The following EGFR variants were observed in gnomAD, a reference collection of about 807,000 sequenced individuals.
EGFR encodes the protein epidermal growth factor receptor.
EGFR carries 58 observed loss-of-function variants against 143.0 expected under a neutral mutation model. That is an observed-to-expected ratio of 0.41 (90% CI 0.33 to 0.50). EGFR has a LOEUF of 0.50. EGFR is among the 20% of genes least tolerant of loss of function. The pLI, the probability that EGFR is intolerant of heterozygous loss-of-function variation, is 0.39. For synonymous variants in EGFR, 613 were observed against 594.4 expected (o/e 1.03, Z -0.45); for missense variants, 1,307 against 1,579.0 (o/e 0.83, Z 2.92).
At position 55,168,765 on chromosome 7, in the gene EGFR, T is replaced by C. The variant is rs75040104; in HGVS notation, c.1881-2410T>C. The C allele has an allele frequency of 3.6e-3, 2,018 of 559,128 alleles. 31 individuals carry two copies. Among genetic ancestry groups the C allele is most frequent in the African/African-American group, 0.035 (1,840 of 53,016 alleles). The allele number at this position is 559,128 out of a possible 1,614,324, so 34.6% of individuals were successfully genotyped here. On this transcript the variant is annotated intron_variant, in intron 15 of 27. Transcript: ENST00000275493. ...CTGTGTCTTCTCCCAAAGCCATTAA[T>C]TATATAGGAATTACACGATAGAAAT...
chr7:55,075,827 C>A (rs1385109297), intron 1 of EGFR, among the ~76,000 whole-genome samples: 1 of 152,098 alleles, frequency 6.6e-6, no homozygotes, highest in Non-Finnish European at 1.5e-5. Context: ...CCATGCACAT[C>A]AACTCTCCAA....
At chr7:55,169,116 G>C (rs979163008) in intron 15 of EGFR, among the ~76,000 whole-genome samples, 1 of 134,686 alleles carries the variant, frequency 7.4e-6, no homozygotes, top group Non-Finnish European at 1.6e-5. Flanking sequence ...TTTTTTTTTT[G>C]TCGAGACGGA....
chr7:55,077,999 G>A (rs1050253487), intron 1 of EGFR, among the ~76,000 whole-genome samples: 3 of 152,096 alleles, frequency 2.0e-5, no homozygotes, highest in Non-Finnish European at 4.4e-5. Flanking sequence ...GGGTGTGGAG[G>A]GGGAGGCAGT....
chr7:55,197,040 G>A (rs897077387), intron 22 of EGFR, among the ~76,000 whole-genome samples: 3 of 152,040 alleles, frequency 2.0e-5, no homozygotes, highest in African/African-American at 7.2e-5. Flanking sequence ...TTCTAGTTCT[G>A]TGAAGAATCT....
chr7:55,135,904 GA>G (rs751970156), intron 1 of EGFR, among the ~76,000 whole-genome samples: 3 of 152,112 alleles, frequency 2.0e-5, no homozygotes, highest in African/African-American at 4.8e-5. Flanking sequence ...ATTTTTTACA[GA>G]TTTTTTTAAA....
chr7:55,025,616 A>G (rs1786835720), intron 1 of EGFR, among the ~76,000 whole-genome samples: 1 of 152,186 alleles, frequency 6.6e-6, no homozygotes, highest in South Asian at 2.1e-4. Context: ...ACAGGAGAGC[A>G]ATGTGGCTTG....
intron 11 of EGFR, among the ~76,000 whole-genome samples, chr7:55,158,981 A>C (rs1471879765): frequency 6.6e-6 from 1 of 152,244 alleles, no homozygotes; most frequent in African/African-American, 2.4e-5. Flanking sequence ...CCTGAACATC[A>C]GTCTCTTCAT....
chr7:55,143,964 G>C (rs1423741691), intron 3 of EGFR, among the ~76,000 whole-genome samples: 2 of 152,184 alleles, frequency 1.3e-5, no homozygotes, highest in African/African-American at 4.8e-5. Flanking sequence ...AGGTGTTCTA[G>C]AACTTTGAAT....
At chr7:55,033,790 C>G (rs1030501046) in intron 1 of EGFR, among the ~76,000 whole-genome samples, 3 of 152,234 alleles carry the variant, frequency 2.0e-5, no homozygotes, top group Non-Finnish European at 4.4e-5. Context: ...CAGGTGACAT[C>G]CCACCAACCC....
At chr7:55,023,234 G>A (rs1470113986) in intron 1 of EGFR, among the ~76,000 whole-genome samples, 1 of 152,158 alleles carries the variant, frequency 6.6e-6, no homozygotes, top group African/African-American at 2.4e-5. Flanking sequence ...GACTTCATAA[G>A]TACTCTAGTT....
intron 1 of EGFR, among the ~76,000 whole-genome samples, chr7:55,088,909 G>A (rs533507560): frequency 2.1e-4 from 32 of 152,122 alleles, no homozygotes; most frequent in Admixed American, 5.9e-4. Context: ...TGTATTTTAC[G>A]TACATCATGC....
At chr7:55,066,623 G>A (rs1486249441) in intron 1 of EGFR, among the ~76,000 whole-genome samples, 1 of 152,210 alleles carries the variant, frequency 6.6e-6, no homozygotes, top group African/African-American at 2.4e-5. Flanking sequence ...CAGTTCAAAA[G>A]CTTTGGTTGC....
At chr7:55,168,563 A>C in intron 15 of EGFR, 1 of 1,611,000 alleles carries the variant, frequency 6.2e-7, no homozygotes. Context: ...GTCTCCCACT[A>C]AAACTGCATT....
At chr7:55,150,338 C>T (rs372264456) in intron 4 of EGFR, among the ~76,000 whole-genome samples, 25 of 152,312 alleles carry the variant, frequency 1.6e-4, no homozygotes, top group African/African-American at 5.8e-4. Flanking sequence ...GTCCATCCCC[C>T]GCGGTCACTG....
chr7:55,052,755 G>T (rs1379470233), intron 1 of EGFR, among the ~76,000 whole-genome samples: 1 of 152,212 alleles, frequency 6.6e-6, no homozygotes. Flanking sequence ...TAGGAGAGGG[G>T]AGTCAAGGGC....
At position 55,104,757 on chromosome 7, in the gene EGFR, G is replaced by C. The variant is rs186487481; in HGVS notation, c.89-37529G>C. Among the ~76,000 whole-genome samples the C allele has an allele frequency of 1.1e-4, 17 of 152,302 alleles. No individual in the cohort carries two copies. The South Asian group carries it at 3.5e-3, about 32-fold the overall frequency. ...TAGGCTGCCTCAGTAACTCTGAGGGGCATTGACTCTTTTCATCCAAAAATT... is the reference window on the plus strand; with the variant it reads ...TAGGCTGCCTCAGTAACTCTGAGGGCCATTGACTCTTTTCATCCAAAAATT... On this transcript the variant is annotated intron_variant, in intron 1 of 27. Transcript: ENST00000275493.
At position 55,142,292 on chromosome 7, in the gene EGFR, A is replaced by G. The variant is rs746023542; in HGVS notation, c.95A>G (p.Gln32Arg). Reference sequence around the variant, plus strand: ...ATCTGTCTTTTTCTTCCAGTTTGCCAAGGCACGAGTAACAAGCTCACGCAG... The same window carrying G: ...ATCTGTCTTTTTCTTCCAGTTTGCCGAGGCACGAGTAACAAGCTCACGCAG... ...SRALEEKKVCQGTSNKLTQLG... is the reference protein window; with the variant it reads ...SRALEEKKVCRGTSNKLTQLG... Residue 32 changes from glutamine (Q) to arginine (R), a missense_variant, in exon 2 of 28, where the codon CAA (glutamine) becomes CGA (arginine). Physicochemically the swap from Gln to Arg is conservative, Grantham distance 43. This residue lies in a region of EGFR where 311 missense variants were observed against 412.3 expected (regional missense o/e 0.75). Coordinates refer to ENST00000275493, the MANE Select transcript of EGFR (RefSeq NM_005228.5). 1 of 1,614,082 alleles carries G rather than the reference A, an allele frequency of 6.2e-7. No individual in the cohort carries two copies. Among genetic ancestry groups the G allele is most frequent in the Non-Finnish European group, 8.5e-7 (1 of 1,180,046 alleles).
intron 1 of EGFR, among the ~76,000 whole-genome samples, chr7:55,078,274 G>A (rs1423020621): frequency 6.6e-6 from 1 of 151,808 alleles, no homozygotes; most frequent in Non-Finnish European, 1.5e-5. Context: ...CGCGTCCCGC[G>A]TCCTCACTGT....
intron 1 of EGFR, among the ~76,000 whole-genome samples, chr7:55,122,400 C>T (rs1793260715): frequency 6.6e-6 from 1 of 152,226 alleles, no homozygotes. Context: ...CAGCATGTGT[C>T]CTCAATGGGC....
Sources: allele counts gnomAD v4.1 joint callset (sites outside exome capture counted in the v4.1 genomes callset), GRCh38; gene constraint gnomAD v4.1.1; regional missense constraint gnomAD v4.1.1; transcripts MANE v1.5; gene names NCBI Gene and HGNC (gene_info 2026-07-23, HGNC 2026-07-21).